The following DLG2 variants were observed in gnomAD, a reference collection of about 807,000 sequenced individuals.
DLG2 encodes disks large homolog 2.
In DLG2, 45 loss-of-function variants were observed where a neutral mutation model predicts 132.5. That is an observed-to-expected ratio of 0.34 (90% CI 0.27 to 0.44). DLG2 has a LOEUF of 0.44. DLG2 is among the 20% of genes least tolerant of loss of function. The probability of loss-of-function intolerance (pLI) is 1.00; values close to 1 mark genes in which losing one functional copy is unlikely to be tolerated. For missense variants in DLG2, 1,045 were observed against 1,196.9 expected, an observed-to-expected ratio of 0.87 and a Z score of 1.87; for synonymous variants, 424 against 419.6, an observed-to-expected ratio of 1.01 and a Z score of -0.13.
intron 19 of DLG2, among the ~76,000 whole-genome samples, chr11:83,611,983 T>C (rs1014705061): frequency 6.6e-6 from 1 of 152,250 alleles, no homozygotes; most frequent in African/African-American, 2.4e-5. Flanking sequence ...ACATGGGTGA[T>C]AGAAGTCTTA....
At chr11:84,649,378 A>C (rs2099678790) in intron 6 of DLG2, among the ~76,000 whole-genome samples, 1 of 152,218 alleles carries the variant, frequency 6.6e-6, no homozygotes, top group South Asian at 2.1e-4. Flanking sequence ...GTTTTTATAT[A>C]ATGGGACCAA....
At chr11:84,012,392 C>G (rs1250092206) in intron 11 of DLG2, among the ~76,000 whole-genome samples, 3 of 152,106 alleles carry the variant, frequency 2.0e-5, no homozygotes, top group Non-Finnish European at 4.4e-5. Flanking sequence ...CCTGTTTACT[C>G]TAATAGCCTT....
At chr11:85,317,351 G>T (rs533296651) in intron 3 of DLG2, among the ~76,000 whole-genome samples, 2 of 151,424 alleles carry the variant, frequency 1.3e-5, no homozygotes, top group South Asian at 2.1e-4. Flanking sequence ...AACTTCTCCA[G>T]CTACAAACGG....
At chr11:84,025,943 G>A (rs1434561648) in intron 11 of DLG2, among the ~76,000 whole-genome samples, 2 of 151,984 alleles carry the variant, frequency 1.3e-5, no homozygotes, top group Non-Finnish European at 2.9e-5. Flanking sequence ...GATCAGACAG[G>A]AAAGAAAACA....
chr11:84,642,225 A>G (rs2099668180), intron 6 of DLG2, among the ~76,000 whole-genome samples: 1 of 150,906 alleles, frequency 6.6e-6, no homozygotes, highest in African/African-American at 2.4e-5. Flanking sequence ...TTACCACTAA[A>G]ATTTCCTCAA....
In DLG2 at chr11:83,467,764, A is replaced by AGTAT. The variant is rs1565337995; in HGVS notation, c.2620-948_2620-947insATAC. Among the ~76,000 whole-genome samples, 26 of 77,952 alleles carry AGTAT rather than the reference A, an allele frequency of 3.3e-4. 1 individual carries two copies. Among genetic ancestry groups the AGTAT allele is most frequent in the African/African-American group, 1.3e-3 (25 of 19,160 alleles). 51.1% of individuals were successfully genotyped at this position (77,952 alleles called of 152,430 possible). On this transcript the variant is annotated intron_variant, in intron 25 of 27. Coordinates refer to ENST00000376104, the MANE Select transcript of DLG2 (RefSeq NM_001142699.3). ...AAATGCCATCTCAAAAAAAATAAAA[A>AGTAT]CTATATGTATATATATATATATATA...
At chr11:84,648,387 C>T (rs967139102) in intron 6 of DLG2, among the ~76,000 whole-genome samples, 1 of 152,130 alleles carries the variant, frequency 6.6e-6, no homozygotes, top group Non-Finnish European at 1.5e-5. Flanking sequence ...TAGTGCTTCC[C>T]AGTCTAATAC....
intron 11 of DLG2, among the ~76,000 whole-genome samples, chr11:84,046,358 C>A (rs2096243244): frequency 6.6e-6 from 1 of 151,334 alleles, no homozygotes; most frequent in Non-Finnish European, 1.5e-5. Flanking sequence ...TCTTGAACAT[C>A]AAAATTATTA....
At chr11:83,896,793 A>G (rs767172634) in intron 15 of DLG2, among the ~76,000 whole-genome samples, 4 of 152,194 alleles carry the variant, frequency 2.6e-5, no homozygotes, top group African/African-American at 7.2e-5. Context: ...TAAAGTTACT[A>G]AGCATTATTG....
intron 6 of DLG2, among the ~76,000 whole-genome samples, chr11:84,693,308 T>C (rs936285632): frequency 6.6e-6 from 1 of 151,752 alleles, no homozygotes; most frequent in African/African-American, 2.4e-5. Flanking sequence ...GTTTCTGTAA[T>C]TGATATTTAG....
intron 7 of DLG2, among the ~76,000 whole-genome samples, chr11:84,459,343 G>T (rs1035601656): frequency 6.6e-6 from 1 of 150,546 alleles, no homozygotes; most frequent in Non-Finnish European, 1.5e-5. Flanking sequence ...AGGACAAATA[G>T]CCCACTTACT....
intron 11 of DLG2, among the ~76,000 whole-genome samples, chr11:84,041,869 C>T (rs957101032): frequency 6.6e-6 from 1 of 151,710 alleles, no homozygotes; most frequent in Non-Finnish European, 1.5e-5. Context: ...GGGGATGGGT[C>T]TTTCCTGTGA....
chr11:84,016,885 C>A (rs146890628), intron 11 of DLG2, among the ~76,000 whole-genome samples: 136 of 152,134 alleles, frequency 8.9e-4, no homozygotes, highest in South Asian at 2.5e-3. Flanking sequence ...AATTATTATA[C>A]TATGTTGCCT....
chr11:84,290,222 A>G (rs1050914408), intron 7 of DLG2, among the ~76,000 whole-genome samples: 1 of 152,174 alleles, frequency 6.6e-6, no homozygotes, highest in South Asian at 2.1e-4. Context: ...CAGAAGATTG[A>G]GCAAAAGTTT....
At chr11:84,480,060 T>G (rs528984009) in intron 7 of DLG2, among the ~76,000 whole-genome samples, 1 of 152,330 alleles carries the variant, frequency 6.6e-6, no homozygotes, top group Admixed American at 6.5e-5. Flanking sequence ...AGAAATGTTT[T>G]GCTTACATTC....
chr11:84,207,081 C>CTCTATATATA (rs148707321), intron 8 of DLG2, among the ~76,000 whole-genome samples: 62 of 146,998 alleles, frequency 4.2e-4, no homozygotes, highest in African/African-American at 1.4e-3. Flanking sequence ...CTCTCTCTCT[C>CTCTATATATA]TATATATATA....
rs567005418 is a variant in DLG2 at position 85,156,675 on chromosome 11, T to A, written c.187-2024A>T. ...AGACCCACTGGAATCAAGATGCTGA[T>A]TGAGCCTGCACTGTCACCATTGCTA... is the stretch of plus-strand genomic sequence containing the variant. On this transcript the variant is annotated intron_variant, in intron 4 of 27. Transcript: ENST00000376104. Among the ~76,000 whole-genome samples, 7 of 152,294 alleles carry A rather than the reference T, an allele frequency of 4.6e-5. No individual in the cohort carries two copies. The South Asian group carries it at 8.3e-4, about 18-fold the overall frequency.
At chr11:84,904,521 G>T (rs1166014618) in intron 6 of DLG2, among the ~76,000 whole-genome samples, 1 of 152,016 alleles carries the variant, frequency 6.6e-6, no homozygotes, top group Non-Finnish European at 1.5e-5. Flanking sequence ...CTTTCCTACT[G>T]TCACACATTG....
In DLG2 at chr11:84,169,503, A is replaced by G. The variant is rs1357883543; in HGVS notation, c.574-5992T>C. Among the ~76,000 whole-genome samples, 6 of 152,126 alleles carry G rather than the reference A, an allele frequency of 3.9e-5. No individual in the cohort carries two copies. The East Asian group carries it at 1.2e-3, about 29-fold the overall frequency. The stretch of plus-strand genomic sequence containing the variant: ...CCTAACTCAAACATCTTTTTCTTGA[A>G]CCAATCTAAGATGCACTGCCTTGTG... On this transcript the variant is annotated intron_variant, in intron 8 of 27. Transcript: ENST00000376104.
Sources: gnomAD v4.1 joint callset for allele counts (sites outside exome capture counted in the v4.1 genomes callset) on GRCh38, gnomAD v4.1.1 for gene constraint, MANE v1.5 for transcripts, NCBI Gene and HGNC (gene_info 2026-07-23, HGNC 2026-07-21) for gene names.